Variants in SAP130 observed in about 807,000 individuals in gnomAD.
SAP130 encodes the protein histone deacetylase complex subunit SAP130.
A neutral mutation model predicts 103.2 loss-of-function variants in SAP130; 16 were observed. That is an observed-to-expected ratio of 0.16 (90% CI 0.10 to 0.24). SAP130 has a LOEUF of 0.24. Ranked by LOEUF, SAP130 falls within the 10% of genes least tolerant of loss-of-function variation. The probability of loss-of-function intolerance (pLI) is 1.00; values close to 1 mark genes in which losing one functional copy is unlikely to be tolerated. For missense variants in SAP130, 990 were observed against 1,359.7 expected (o/e 0.73, Z 4.28); for synonymous variants, 477 against 497.0 (o/e 0.96, Z 0.53).
At chr2:127,963,638 A>G (rs1559046317) in intron 15 of SAP130, among the ~76,000 whole-genome samples, 3 of 152,186 alleles carry the variant, frequency 2.0e-5, no homozygotes, top group Admixed American at 6.5e-5. Flanking sequence ...TGTAGCTCCC[A>G]TGATTCCTAT....
At chr2:128,000,827 AG>A (rs757793680) in intron 7 of SAP130, among the ~76,000 whole-genome samples, 12 of 152,190 alleles carry the variant, frequency 7.9e-5, no homozygotes, top group Non-Finnish European at 1.5e-4. Context: ...GCTTGTGCCC[AG>A]GAAGTCAGGG....
chr2:127,999,616 G>GA (rs67585632), intron 10 of SAP130, 125 bp downstream of exon 10: 69,550 of 353,050 alleles, frequency 0.2, 20 homozygotes, highest in Middle Eastern at 0.26. Flanking sequence ...AAAAAGAAAA[G>GA]AAAAAAAAAA....
At chr2:127,945,801 C>T (rs1170962620) in intron 18 of SAP130, among the ~76,000 whole-genome samples, 6 of 152,192 alleles carry the variant, frequency 3.9e-5, no homozygotes, top group East Asian at 1.9e-4. Context: ...TACAGGTGTG[C>T]GCCATCATGC....
At chr2:128,025,412 AGG>A (rs1685436027) in intron 2 of SAP130, among the ~76,000 whole-genome samples, 1 of 152,210 alleles carries the variant, frequency 6.6e-6, no homozygotes, top group Non-Finnish European at 1.5e-5. Flanking sequence ...TACCACTCAA[AGG>A]GTATAAGACT....
intron 15 of SAP130, among the ~76,000 whole-genome samples, chr2:127,963,199 T>C (rs1282307673): frequency 6.6e-6 from 1 of 152,152 alleles, no homozygotes; most frequent in Non-Finnish European, 1.5e-5. Flanking sequence ...CAAAAGTAGT[T>C]TGTTTTTTAA....
chr2:127,954,672 C>T (rs1322624120), intron 16 of SAP130, among the ~76,000 whole-genome samples: 6 of 152,124 alleles, frequency 3.9e-5, no homozygotes, highest in Admixed American at 3.9e-4. Flanking sequence ...GTAGTATTTT[C>T]TTAATACTAC....
chr2:128,019,370 G>T (rs192976785), intron 2 of SAP130, among the ~76,000 whole-genome samples: 26 of 152,214 alleles, frequency 1.7e-4, no homozygotes, highest in Non-Finnish European at 5.9e-5. Flanking sequence ...TTGGACTCAA[G>T]TGAGCCTCTG....
chr2:128,002,936 A>G (rs549092833), intron 7 of SAP130, among the ~76,000 whole-genome samples: 29 of 152,150 alleles, frequency 1.9e-4, no homozygotes, highest in African/African-American at 7.0e-4. Context: ...AGACTGGCGT[A>G]GGCAACATGG....
Position 127,955,403 on chromosome 2 carries a change from A to T in SAP130, c.2064-59T>A. On this transcript the variant is annotated intron_variant, in intron 15 of 20. Coordinates refer to ENST00000643581, the MANE Select transcript of SAP130 (RefSeq NM_001330301.2). The surrounding 1 kb of genome is among the most constrained non-coding windows in gnomAD (Gnocchi z 4.9). Reference sequence around the variant, plus strand: ...AAGAAAAAAACTGCCTTCATCTACAACATCTCAGAGGATGAGTATTTGTCC... The same window carrying T: ...AAGAAAAAAACTGCCTTCATCTACATCATCTCAGAGGATGAGTATTTGTCC... The T allele has an allele frequency of 9.4e-7, 1 of 1,065,192 alleles. No individual in the cohort carries two copies. Among genetic ancestry groups the T allele is most frequent in the East Asian group, 2.4e-5 (1 of 41,598 alleles). The allele number at this position is 1,065,192 out of a possible 1,614,324, so 66.0% of individuals were successfully genotyped here.
At chr2:127,983,804 A>T (rs1315914990) in intron 14 of SAP130, among the ~76,000 whole-genome samples, 1 of 134,030 alleles carries the variant, frequency 7.5e-6, no homozygotes, top group African/African-American at 3.0e-5. Context: ...CAGTTTTGGT[A>T]ATTTTCTATT....
intron 18 of SAP130, 59 bp downstream of exon 18, chr2:127,949,808 ATT>A: frequency 6.5e-7 from 1 of 1,548,030 alleles, no homozygotes. Flanking sequence ...TTTCTCTTCT[ATT>A]TTAATTAAGT....
intron 16 of SAP130, among the ~76,000 whole-genome samples, chr2:127,954,699 G>A (rs558489696): frequency 6.6e-6 from 1 of 152,174 alleles, no homozygotes; most frequent in Admixed American, 6.5e-5. Context: ...AATACTACTA[G>A]GCATGGAAGG....
chr2:127,968,532 A>G (rs1237340317), intron 15 of SAP130, among the ~76,000 whole-genome samples: 2 of 149,544 alleles, frequency 1.3e-5, no homozygotes, highest in Non-Finnish European at 3.0e-5. Context: ...CCGTCTCAAA[A>G]ACAAAAAAAA....
chr2:127,999,711 G>T, intron 10 of SAP130, 30 bp downstream of exon 10: 1 of 1,350,754 alleles, frequency 7.4e-7, no homozygotes, highest in Non-Finnish European at 1.0e-6. Flanking sequence ...CTCCTGGTAA[G>T]CTTCTGTCCG....
rs1387156764 is a variant in SAP130, at chr2:127,942,866, C to T, written c.2902-329G>A. On this transcript the variant is annotated intron_variant, in intron 19 of 20. Transcript: ENST00000643581. The surrounding 1 kb of genome is among the most constrained non-coding windows in gnomAD (Gnocchi z 4.8). ...AGCTGGGCGTGGTGGCGCATGCCTG[C>T]AATCCCAGTTACTCGGGAGGCTGAG... 4.6e-5 allele frequency among the ~76,000 whole-genome samples: 7 copies of T among 152,034 alleles called. No individual in the cohort carries two copies. Among genetic ancestry groups the T allele is most frequent in the Admixed American group, 2.0e-4 (3 of 15,252 alleles).
chr2:128,005,480 T>C (rs1471600120), intron 7 of SAP130, among the ~76,000 whole-genome samples: 1 of 151,548 alleles, frequency 6.6e-6, no homozygotes, highest in Non-Finnish European at 1.5e-5. Flanking sequence ...CCAGGGGTGG[T>C]GGTGGGTGTC....
chr2:127,956,353 G>C (rs998561783), intron 15 of SAP130, among the ~76,000 whole-genome samples: 2 of 152,160 alleles, frequency 1.3e-5, no homozygotes, highest in Non-Finnish European at 2.9e-5. Flanking sequence ...GTTTTCCTGA[G>C]TTCTGTGTGC....
intron 19 of SAP130, among the ~76,000 whole-genome samples, chr2:127,943,144 C>A (rs1482577852): frequency 6.6e-6 from 1 of 152,160 alleles, no homozygotes; most frequent in Non-Finnish European, 1.5e-5. Context: ...ACACAAGTCT[C>A]CAAGTTTCAT....
intron 10 of SAP130, among the ~76,000 whole-genome samples, chr2:127,998,374 A>G (rs959401926): frequency 6.6e-6 from 1 of 152,170 alleles, no homozygotes; most frequent in Non-Finnish European, 1.5e-5. Context: ...TTTTTTTCTG[A>G]GCCAACATAT....
Sources: allele counts gnomAD v4.1 joint callset (sites outside exome capture counted in the v4.1 genomes callset), GRCh38; gene constraint gnomAD v4.1.1; non-coding constraint Gnocchi (gnomAD v3.1); transcripts MANE v1.5; gene names NCBI Gene and HGNC (gene_info 2026-07-23, HGNC 2026-07-21).